The following KLF5 variants were observed in gnomAD, a reference collection of about 807,000 sequenced individuals.
The protein encoded by KLF5 is KLF transcription factor 5.
KLF5 carries 9 observed loss-of-function variants against 36.9 expected under a neutral mutation model. That is an observed-to-expected ratio of 0.24 (90% CI 0.15 to 0.43). The LOEUF is 0.43. Among genes scored for constraint, KLF5 ranks in the 20% least tolerant of loss-of-function variants. The pLI is 1.00. For synonymous variants in KLF5, 246 were observed against 241.7 expected (o/e 1.02, Z -0.17); for missense variants, 524 against 599.5 (o/e 0.87, Z 1.31).
rs144543104 is a variant in KLF5 at position 73,075,743 on chromosome 13, G to C, written c.1231G>C (p.Asp411His). 1.2e-6 allele frequency: 2 copies of C among 1,611,076 alleles called. No homozygotes were observed. The highest frequency in any genetic ancestry group is 1.1e-5 in the South Asian group (1 of 90,930). The change falls in exon 4 of 4, where the codon GAC (aspartate) becomes CAC (histidine). Residue 411 changes from aspartate to histidine, a missense_variant. This residue lies in a region of KLF5 where 46 missense variants were observed against 105.8 expected (regional missense o/e 0.43). Coordinates refer to ENST00000377687, the MANE Select transcript of KLF5 (RefSeq NM_001730.5). The part of the protein sequence containing the change: ...KPYKCTWEGC[D>H]WRFARSDELT... ...ATACAAGTGTACCTGGGAAGGCTGC[G>C]ACTGGAGGTTCGCGCGATCGGATGA...
rs2044612991 is a variant in KLF5, at chr13:73,059,478, C to T, written c.151C>T (p.Leu51=). The change falls in exon 1 of 4, where the codon CTG becomes TTG. Residue 51 remains leucine, a synonymous_variant. Coordinates refer to ENST00000377687, the MANE Select transcript of KLF5 (RefSeq NM_001730.5). ...CGCGGCGCTCTTCCCCGGCGAGGAG[C>T]TGAAGCACGCGCACCACCGCCCGCA... ...RDAALFPGEE[L]KHAHHRPQAQ... is the part of the protein sequence containing the mutation. 7 of 1,257,316 alleles carry T rather than the reference C, an allele frequency of 5.6e-6. No homozygotes were observed. The highest frequency in any genetic ancestry group is 7.0e-6 in the Non-Finnish European group (7 of 1,002,514). 77.9% of individuals were successfully genotyped at this position (1,257,316 alleles called of 1,614,324 possible).
intron 3 of KLF5, 87 bp downstream of exon 3, chr13:73,063,970 C>A: frequency 1.7e-5 from 10 of 595,040 alleles, no homozygotes; most frequent in Non-Finnish European, 2.6e-5. Flanking sequence ...TGTTTGATCT[C>A]TTCTCCTGTC....
chr13:73,059,619 C>T, intron 1 of KLF5, 31 bp downstream of exon 1: 2 of 1,141,878 alleles, frequency 1.8e-6, no homozygotes, highest in Non-Finnish European at 1.1e-6. Context: ...CCCACCGCAG[C>T]ACTCCCGGGC....
chr13:73,059,746 C>G, intron 1 of KLF5, 158 bp downstream of exon 1: 7 of 643,246 alleles, frequency 1.1e-5, no homozygotes, highest in Non-Finnish European at 1.3e-5. Flanking sequence ...CACGCCTGGC[C>G]GGGGCCCCGC....
chr13:73,065,551 G>A (rs531999761), intron 3 of KLF5, among the ~76,000 whole-genome samples: 1 of 152,014 alleles, frequency 6.6e-6, no homozygotes, highest in Non-Finnish European at 1.5e-5. Context: ...GGCAGCCCAA[G>A]GTAGAAATTT....
chr13:73,061,622 C>T (rs1173902104), intron 1 of KLF5, among the ~76,000 whole-genome samples: 1 of 152,048 alleles, frequency 6.6e-6, no homozygotes, highest in Non-Finnish European at 1.5e-5. Context: ...TTGCGTCTTT[C>T]ACTTTTGGGG....
rs1191680486 is a variant in KLF5, at chr13:73,062,283, G to T, written c.684G>T (p.Leu228=). ...CTGTCCCTACCCAGCAGGGCCACCT[G>T]TACCAGCTACTGAATACACCGGATC... The part of the protein sequence containing the change: ...HLSVPTQQGH[L]YQLLNTPDLD... The change falls in exon 2 of 4, where the codon CTG becomes CTT. Residue 228 remains leucine, a synonymous_variant. Transcript: ENST00000377687. The T allele has an allele frequency of 1.2e-6, 2 of 1,613,956 alleles. No individual in the cohort carries two copies. The highest frequency in any genetic ancestry group is 3.3e-5 in the Admixed American group (2 of 59,998).
In KLF5 at chr13:73,059,525, G is replaced by A; in HGVS notation, c.198G>A (p.Gln66=). 3 of 1,200,462 alleles carry A rather than the reference G, an allele frequency of 2.5e-6. No homozygotes were observed. The highest frequency in any genetic ancestry group is 3.1e-6 in the Non-Finnish European group (3 of 971,578). The allele number at this position is 1,200,462 out of a possible 1,614,324, so 74.4% of individuals were successfully genotyped here. The change falls in exon 1 of 4, where the codon CAG becomes CAA. Residue 66 remains glutamine, a synonymous_variant. Coordinates refer to ENST00000377687, the MANE Select transcript of KLF5 (RefSeq NM_001730.5). ...HRPQAQPAPA[Q]APQPAQPPAT... is the part of the protein sequence containing the mutation. The stretch of plus-strand genomic sequence containing the variant: ...CGCAGGCGCAGCCCGCGCCCGCGCA[G>A]GCCCCGCAGCCGGCCCAGCCGCCCG...
upstream of KLF5, among the ~76,000 whole-genome samples, chr13:73,057,872 G>C (rs948287543): frequency 2.6e-5 from 4 of 152,208 alleles, no homozygotes; most frequent in Non-Finnish European, 5.9e-5. Context: ...ATTAAGGGAA[G>C]TGGTTTCCTT....
At chr13:73,056,617 A>G (rs556386252), upstream of KLF5, among the ~76,000 whole-genome samples, 47 of 152,354 alleles carry the variant, frequency 3.1e-4, no homozygotes, top group East Asian at 8.5e-3. Context: ...TGTTCTTTAT[A>G]TGTTCAGAAT....
chr13:73,060,305 C>T (rs1312936865), intron 1 of KLF5, among the ~76,000 whole-genome samples: 1 of 151,970 alleles, frequency 6.6e-6, no homozygotes, highest in Non-Finnish European at 1.5e-5. Context: ...CTTTCGCCCA[C>T]GCAGGGAGTC....
intron 3 of KLF5, 63 bp from the exon 4 acceptor site, chr13:73,075,645 G>A (rs1005900885): frequency 1.4e-5 from 18 of 1,314,338 alleles, no homozygotes; most frequent in African/African-American, 1.0e-4. Context: ...TTCCTTCTCC[G>A]GTGTTATCTA....
intron 3 of KLF5, 117 bp from the exon 4 acceptor site, chr13:73,075,591 G>T (rs943253861): frequency 4.0e-5 from 33 of 829,276 alleles, no homozygotes; most frequent in Non-Finnish European, 5.1e-5. Context: ...GAATTCATGA[G>T]CTTTCCTTCT....
intron 1 of KLF5, among the ~76,000 whole-genome samples, chr13:73,060,851 C>T (rs1410797338): frequency 6.6e-6 from 1 of 152,156 alleles, no homozygotes; most frequent in Non-Finnish European, 1.5e-5. Context: ...CTGGAAAAGG[C>T]TTGAGGCGAC....
intron 3 of KLF5, among the ~76,000 whole-genome samples, chr13:73,067,147 A>G (rs2139110845): frequency 6.6e-6 from 1 of 152,308 alleles, no homozygotes; most frequent in South Asian, 2.1e-4. Context: ...TGAACATTGT[A>G]CTGAAATTTG....
At position 73,075,705 on chromosome 13, in the gene KLF5, C is replaced by A; in HGVS notation, c.1196-3C>A. Reference sequence around the variant, plus strand: ...GCTTTACCTCCTTTGTTCGTTGTCACAGGTGAAAAGCCATACAAGTGTACC... The same window carrying A: ...GCTTTACCTCCTTTGTTCGTTGTCAAAGGTGAAAAGCCATACAAGTGTACC... On this transcript the variant is annotated splice_region_variant and splice_polypyrimidine_tract_variant and intron_variant, in intron 3 of 3. Coordinates refer to ENST00000377687, the MANE Select transcript of KLF5 (RefSeq NM_001730.5). 1 of 1,576,194 alleles carries A rather than the reference C, an allele frequency of 6.3e-7. No homozygotes were observed. Among genetic ancestry groups the A allele is most frequent in the Non-Finnish European group, 8.7e-7 (1 of 1,150,272 alleles).
intron 1 of KLF5, among the ~76,000 whole-genome samples, chr13:73,061,518 T>C (rs2044634737): frequency 6.6e-6 from 1 of 152,236 alleles, no homozygotes. Flanking sequence ...AACTGTGTAA[T>C]GGGGCAGGGA....
intron 3 of KLF5, 35 bp downstream of exon 3, chr13:73,063,918 T>A: frequency 7.5e-7 from 1 of 1,337,598 alleles, no homozygotes; most frequent in Non-Finnish European, 1.1e-6. Context: ...GTGAGTTGTG[T>A]AAATAGTGTA....
In KLF5 at chr13:73,064,622, C is replaced by T. The variant is rs183889207; in HGVS notation, c.1195+739C>T. Among the ~76,000 whole-genome samples, 943 of 152,296 alleles carry T rather than the reference C, an allele frequency of 6.2e-3. 3 individuals carry two copies. The highest frequency in any genetic ancestry group is 0.019 in the African/African-American group (796 of 41,572). On this transcript the variant is annotated intron_variant, in intron 3 of 3. Transcript: ENST00000377687. ...GCAGTGGTGTGATCTCAGTTCACTG[C>T]AACCTCTGCCTCCCAGGTTCAAGCG...
Sources: allele counts gnomAD v4.1 joint callset (sites outside exome capture counted in the v4.1 genomes callset), GRCh38; gene constraint gnomAD v4.1.1; regional missense constraint gnomAD v4.1.1; transcripts MANE v1.5; gene names NCBI Gene and HGNC (gene_info 2026-07-23, HGNC 2026-07-21).